Variants in WASF1 observed in about 807,000 individuals in gnomAD.
The protein encoded by WASF1 is WASP family member 1, also known as actin-binding protein WASF1.
A neutral mutation model predicts 50.5 loss-of-function variants in WASF1; 7 were observed. The observed-to-expected ratio is 0.14, with a 90% CI of 0.08 to 0.26. WASF1 has a LOEUF of 0.26. WASF1 is among the 10% of genes least tolerant of loss of function. The pLI is 1.00. For missense variants in WASF1, 470 were observed against 694.7 expected, an observed-to-expected ratio of 0.68 and a Z score of 3.64; for synonymous variants, 205 against 244.0, an observed-to-expected ratio of 0.84 and a Z score of 1.49.
chr6:110,136,808 C>T (rs898857647), intron 3 of WASF1, among the ~76,000 whole-genome samples: 3 of 152,174 alleles, frequency 2.0e-5, no homozygotes, highest in African/African-American at 4.8e-5. Context: ...ATAATGCTAA[C>T]GTTCTTTCTG....
intron 5 of WASF1, 109 bp from the exon 6 acceptor site, chr6:110,108,790 T>A (rs1773434944): frequency 1.9e-6 from 2 of 1,039,558 alleles, no homozygotes; most frequent in Non-Finnish European, 2.7e-6. Context: ...CTCAAGAGGT[T>A]GTGACCTTAG....
intron 3 of WASF1, among the ~76,000 whole-genome samples, chr6:110,135,142 G>T (rs971564190): frequency 6.6e-6 from 1 of 152,128 alleles, no homozygotes; most frequent in African/African-American, 2.4e-5. Context: ...ATTATAAAAG[G>T]GTTTGAGTTC....
At chr6:110,135,876 CT>C (rs778710982) in intron 3 of WASF1, among the ~76,000 whole-genome samples, 3,479 of 68,318 alleles carry the variant, frequency 0.051, 19 homozygotes, top group African/African-American at 0.11. Flanking sequence ...AGTCCATTAT[CT>C]TTTTTTTTTT....
intron 2 of WASF1, among the ~76,000 whole-genome samples, chr6:110,174,631 T>A (rs142893090): frequency 6.6e-6 from 1 of 152,274 alleles, no homozygotes; most frequent in African/African-American, 2.4e-5. Flanking sequence ...TTCAATTAAA[T>A]CCTTATAGGG....
At chr6:110,149,955 T>C (rs949179085) in intron 3 of WASF1, among the ~76,000 whole-genome samples, 11 of 152,264 alleles carry the variant, frequency 7.2e-5, no homozygotes, top group Admixed American at 2.0e-4. Context: ...GTCGAACTCC[T>C]GAGCTCAAGC....
chr6:110,101,594 G>T lies in WASF1; in HGVS notation c.1516C>A (p.Arg506=). The part of the protein sequence containing the change: ...DARSVLLEAI[R]KGIQLRKVEE... The stretch of plus-strand genomic sequence containing the variant: ...ATGGAGCTGAGAAAATTACCTTTTC[G>T]TATTGCTTCCAGTAGCACACTCCTG... The change falls in exon 10 of 11, where the codon CGA becomes AGA. Residue 506 remains arginine, a synonymous_variant. Transcript: ENST00000392589. 1 of 1,607,126 alleles carries T rather than the reference G, an allele frequency of 6.2e-7. No homozygotes were observed. The highest frequency in any genetic ancestry group is 8.5e-7 in the Non-Finnish European group (1 of 1,175,306).
At chr6:110,166,388 T>G (rs1776478296) in intron 2 of WASF1, among the ~76,000 whole-genome samples, 1 of 151,796 alleles carries the variant, frequency 6.6e-6, no homozygotes, top group Non-Finnish European at 1.5e-5. Context: ...CAAAGTACAG[T>G]CTTTACCAAG....
chr6:110,146,954 A>G (rs1257330673), intron 3 of WASF1, among the ~76,000 whole-genome samples: 1 of 152,124 alleles, frequency 6.6e-6, no homozygotes, highest in Non-Finnish European at 1.5e-5. Flanking sequence ...ATCATGCTGA[A>G]CATCTCCAGT....
At chr6:110,134,422 CTT>C (rs201321386) in intron 3 of WASF1, among the ~76,000 whole-genome samples, 6 of 144,928 alleles carry the variant, frequency 4.1e-5, no homozygotes, top group African/African-American at 1.3e-4. Context: ...TCTATGTGCC[CTT>C]TTTTTTTTTC....
intron 3 of WASF1, among the ~76,000 whole-genome samples, chr6:110,134,433 TC>T (rs1328858039): frequency 2.7e-4 from 41 of 151,210 alleles, no homozygotes; most frequent in African/African-American, 8.8e-4. Context: ...TTTTTTTTTT[TC>T]TTTTTTGGAG....
At chr6:110,161,439 C>T (rs995304920) in intron 2 of WASF1, among the ~76,000 whole-genome samples, 11 of 151,444 alleles carry the variant, frequency 7.3e-5, no homozygotes, top group African/African-American at 1.5e-4. Flanking sequence ...ATTGATCCCC[C>T]GAATAAGCTT....
intron 2 of WASF1, among the ~76,000 whole-genome samples, chr6:110,168,876 T>G (rs1256859170): frequency 1.3e-5 from 2 of 152,230 alleles, no homozygotes; most frequent in East Asian, 3.9e-4. Flanking sequence ...ACCAAGTTCC[T>G]GCAATCCTGT....
intron 3 of WASF1, among the ~76,000 whole-genome samples, 170 bp from the exon 4 acceptor site, chr6:110,127,799 C>G (rs1774482118): frequency 6.6e-6 from 1 of 152,144 alleles, no homozygotes; most frequent in Non-Finnish European, 1.5e-5. Context: ...CCTGAGACAG[C>G]AGGACAAACC....
At chr6:110,163,245 T>C (rs1293478161) in intron 2 of WASF1, among the ~76,000 whole-genome samples, 3 of 151,662 alleles carry the variant, frequency 2.0e-5, no homozygotes, top group Non-Finnish European at 3.0e-5. Flanking sequence ...AATACAGAGA[T>C]ACTCTATGTT....
chr6:110,149,815 T>C (rs1775746476), intron 3 of WASF1, among the ~76,000 whole-genome samples: 1 of 152,202 alleles, frequency 6.6e-6, no homozygotes, highest in South Asian at 2.1e-4. Context: ...ACCTGAGCAG[T>C]GTACACTGTA....
In WASF1 at chr6:110,136,365, G is replaced by A. The variant is rs573946120; in HGVS notation, c.-28-8736C>T. Among the ~76,000 whole-genome samples, 38 of 152,248 alleles carry A rather than the reference G, an allele frequency of 2.5e-4. 1 individual carries two copies. Among genetic ancestry groups the A allele is most frequent in the African/African-American group, 8.7e-4 (36 of 41,564 alleles). ...TAAACATTCCAGGGATACTGAAAAA[G>A]AATATACATTTTGTTATTGGTGGTT... On this transcript the variant is annotated intron_variant, in intron 3 of 10. Coordinates refer to ENST00000392589, the MANE Select transcript of WASF1 (RefSeq NM_003931.3).
At chr6:110,172,615 A>T (rs1201126537) in intron 2 of WASF1, among the ~76,000 whole-genome samples, 1 of 152,178 alleles carries the variant, frequency 6.6e-6, no homozygotes, top group African/African-American at 2.4e-5. Context: ...AAAAGAATGA[A>T]ATAATCTCTT....
At chr6:110,118,136 T>C (rs941223837) in intron 4 of WASF1, among the ~76,000 whole-genome samples, 1 of 151,848 alleles carries the variant, frequency 6.6e-6, no homozygotes, top group African/African-American at 2.4e-5. Flanking sequence ...AACATGATAA[T>C]GACAGGATCA....
chr6:110,108,681 A>G lies in WASF1; in HGVS notation c.269T>C (p.Leu90Ser). Residue 90 changes from leucine (L) to serine (S), a missense_variant and splice_region_variant, in exon 6 of 11, where the codon TTG becomes TCG. Transcript: ENST00000392589. ...CCTCATTGTTATATCTTGCAAAGAC[A>G]CTAAAACAAAAATCAAGAATTCATT... ...VTQLDPKEEE[L>S]SLQDITMRKA... is the part of the protein sequence containing the mutation. The G allele has an allele frequency of 6.2e-7, 1 of 1,608,548 alleles. No homozygotes were observed. Among genetic ancestry groups the G allele is most frequent in the South Asian group, 1.1e-5 (1 of 90,436 alleles).
Sources: allele counts gnomAD v4.1 joint callset (sites outside exome capture counted in the v4.1 genomes callset), GRCh38; gene constraint gnomAD v4.1.1; transcripts MANE v1.5; gene names NCBI Gene and HGNC (gene_info 2026-07-23, HGNC 2026-07-21).